Variants in SCAND3 observed in about 807,000 individuals in gnomAD.
SCAND3 encodes SCAN domain containing 3.
At chr6:28,589,350 C>G in the SCAND3 span, 3 of 152,062 alleles carry the variant, frequency 2.0e-5, no homozygotes, top group Admixed American at 6.6e-5. Context: ...TTAACCACGA[C>G]TATACTTACC....
the SCAND3 span, among the ~76,000 whole-genome samples, chr6:28,611,208 C>A: frequency 6.6e-6 from 1 of 152,138 alleles, no homozygotes; most frequent in African/African-American, 2.4e-5. Context: ...TATACACTAC[C>A]CAGTGGTGGT....
At chr6:28,601,835 A>C in the SCAND3 span, among the ~76,000 whole-genome samples, 1 of 152,106 alleles carries the variant, frequency 6.6e-6, no homozygotes, top group African/African-American at 2.4e-5. Context: ...CTCACTCTTA[A>C]GGCTCCACCG....
At chr6:28,585,231 T>C in the SCAND3 span, 1 of 152,250 alleles carries the variant, frequency 6.6e-6, no homozygotes, top group African/African-American at 2.4e-5. Flanking sequence ...GCTTTTCTTC[T>C]TTTATACTCA....
the SCAND3 span, chr6:28,579,189 G>T: frequency 8.0e-7 from 1 of 1,251,814 alleles, no homozygotes; most frequent in Non-Finnish European, 1.1e-6. The surrounding 1 kb of genome is among the most constrained non-coding windows in gnomAD (Gnocchi z 4.5). Flanking sequence ...AAGCTGAAAT[G>T]GAATGAGGTT....
chr6:28,607,142 A>G, the SCAND3 span, among the ~76,000 whole-genome samples: 4 of 152,252 alleles, frequency 2.6e-5, no homozygotes, highest in East Asian at 7.7e-4. Context: ...ATGCAAAGCA[A>G]CCTGTCTGTG....
At chr6:28,605,830 G>A in the SCAND3 span, among the ~76,000 whole-genome samples, 1 of 152,110 alleles carries the variant, frequency 6.6e-6, no homozygotes, top group Non-Finnish European at 1.5e-5. Context: ...GGGCAACAGG[G>A]CGAGACTCTG....
At chr6:28,574,755 G>A in the SCAND3 span, 1 of 1,614,104 alleles carries the variant, frequency 6.2e-7, no homozygotes, top group Non-Finnish European at 8.5e-7. Flanking sequence ...TCATTGTGCT[G>A]GTTTCATAGC....
the SCAND3 span, among the ~76,000 whole-genome samples, chr6:28,584,580 C>G: frequency 2.6e-5 from 4 of 152,156 alleles, no homozygotes; most frequent in African/African-American, 4.8e-5. Context: ...TCCTTTGTAG[C>G]CTTAAACCCC....
chr6:28,573,662 C>G, the SCAND3 span: 1 of 1,611,980 alleles, frequency 6.2e-7, no homozygotes, highest in Non-Finnish European at 8.5e-7. Flanking sequence ...AAACCAAACT[C>G]AATATATGAA....
the SCAND3 span, among the ~76,000 whole-genome samples, chr6:28,612,285 G>A: frequency 2.6e-5 from 4 of 151,984 alleles, no homozygotes; most frequent in Non-Finnish European, 4.4e-5. Context: ...TGATCTGCCT[G>A]CCTCAGCCTC....
the SCAND3 span, among the ~76,000 whole-genome samples, chr6:28,578,633 GAAGA>G: frequency 6.6e-6 from 1 of 152,102 alleles, no homozygotes; most frequent in African/African-American, 2.4e-5. Flanking sequence ...TGAATTAGAA[GAAGA>G]AATACAGGGC....
At chr6:28,573,448 T>C in the SCAND3 span, 1 of 1,614,142 alleles carries the variant, frequency 6.2e-7, no homozygotes, top group Non-Finnish European at 8.5e-7. Context: ...AATGTTTATA[T>C]GAGAAACGTT....
the SCAND3 span, among the ~76,000 whole-genome samples, chr6:28,599,426 GT>G: frequency 6.6e-6 from 1 of 152,200 alleles, no homozygotes; most frequent in East Asian, 1.9e-4. Context: ...GGACAGTGTG[GT>G]GGTGGTGTGA....
chr6:28,595,358 AG>A, the SCAND3 span, among the ~76,000 whole-genome samples: 110 of 145,358 alleles, frequency 7.6e-4, no homozygotes, highest in Non-Finnish European at 1.1e-3. Flanking sequence ...AAAAAAAAGA[AG>A]AAGAAGAAGA....
the SCAND3 span, chr6:28,573,495 CTT>C: frequency 1.2e-6 from 2 of 1,613,956 alleles, no homozygotes; most frequent in Admixed American, 1.7e-5. Flanking sequence ...ATTCACTACT[CTT>C]TCTTTCAAAG....
chr6:28,579,296 C>G, the SCAND3 span: 1 of 1,614,010 alleles, frequency 6.2e-7, no homozygotes, highest in South Asian at 1.1e-5. The surrounding 1 kb of genome is among the most constrained non-coding windows in gnomAD (Gnocchi z 4.5). Flanking sequence ...GGGTGTGGCT[C>G]TGGAGATTCA....
At chr6:28,605,696 A>T in the SCAND3 span, among the ~76,000 whole-genome samples, 1 of 148,666 alleles carries the variant, frequency 6.7e-6, no homozygotes, top group South Asian at 2.1e-4. Flanking sequence ...AAAAAAAAAA[A>T]TTAGCCAGGC....
the SCAND3 span, among the ~76,000 whole-genome samples, chr6:28,601,157 A>G: frequency 6.6e-6 from 1 of 151,926 alleles, no homozygotes; most frequent in African/African-American, 2.4e-5. Context: ...CGCCCACCTC[A>G]GCCTCCCAAT....
At chr6:28,586,200 C>G in the SCAND3 span, 1 of 968,170 alleles carries the variant, frequency 1.0e-6, no homozygotes, top group South Asian at 1.6e-5. This position sits in a 1 kb window ranked among gnomAD's most constrained non-coding sequence, Gnocchi z 4.4. Flanking sequence ...TGCCCCAAAC[C>G]AGGGTTTCCA....
Sources: allele counts gnomAD v4.1 joint callset (sites outside exome capture counted in the v4.1 genomes callset), GRCh38; gene constraint gnomAD v4.1.1; non-coding constraint Gnocchi (gnomAD v3.1); transcripts MANE v1.5; gene names NCBI Gene and HGNC (gene_info 2026-07-23, HGNC 2026-07-21).